SPTLC2: variants seen among roughly 807,000 people sequenced by gnomAD.
The protein encoded by SPTLC2 is serine palmitoyltransferase long chain base subunit 2.
Under a neutral mutation model 62.0 loss-of-function variants are expected in SPTLC2, and 21 were observed. That is an observed-to-expected ratio of 0.34 (90% CI 0.24 to 0.49). The LOEUF (loss-of-function observed/expected upper bound fraction) is 0.49. Ranked by LOEUF, SPTLC2 falls within the 20% of genes least tolerant of loss-of-function variation. SPTLC2 has a pLI of 0.99. For missense variants in SPTLC2, 511 were observed against 713.0 expected (o/e 0.72, Z 3.23); for synonymous variants, 261 against 261.8 (o/e 1.00, Z 0.03).
rs1055507727 is a variant in SPTLC2 at position 77,507,205 on chromosome 14, T to C, written c.*5079A>G. On this transcript the variant is annotated 3_prime_UTR_variant, in exon 12 of 12. Transcript: ENST00000216484. The stretch of plus-strand genomic sequence containing the variant: ...GAAATGACAAAAGGAACAACAGTAT[T>C]TTCTATACATTAAAAGCAAAGGGAT... 1 of 152,192 alleles carries C rather than the reference T, an allele frequency of 6.6e-6. No homozygotes were observed. The highest frequency in any genetic ancestry group is 2.4e-5 in the African/African-American group (1 of 41,426). 9.4% of individuals were successfully genotyped at this position (152,192 alleles called of 1,614,324 possible). A position where few individuals can be genotyped will look rare whatever the true frequency, so the allele number is the denominator to read the frequency against.
intron 11 of SPTLC2, among the ~76,000 whole-genome samples, chr14:77,513,826 C>T (rs1267938633): frequency 1.4e-5 from 2 of 145,316 alleles, no homozygotes; most frequent in African/African-American, 2.5e-5. Flanking sequence ...ACCCAGGGGG[C>T]GGAGGCTGCG....
chr14:77,529,118 G>A (rs566566042), intron 9 of SPTLC2, among the ~76,000 whole-genome samples: 4 of 152,234 alleles, frequency 2.6e-5, no homozygotes, highest in African/African-American at 7.2e-5. Context: ...GATTACAGGC[G>A]TGAGTCACTG....
At chr14:77,529,620 C>CTTTCTTTCTTTTTTTTTTTTTTTTT (rs1555373703) in intron 9 of SPTLC2, among the ~76,000 whole-genome samples, 4 of 76,048 alleles carry the variant, frequency 5.3e-5, no homozygotes, top group Non-Finnish European at 8.1e-5. Flanking sequence ...TTCTTTCTTT[C>CTTTCTTTCTTTTTTTTTTTTTTTTT]TTTTTTTTTT....
At chr14:77,551,813 G>GA (rs1474840636) in intron 9 of SPTLC2, among the ~76,000 whole-genome samples, 1 of 152,142 alleles carries the variant, frequency 6.6e-6, no homozygotes, top group Admixed American at 6.5e-5. Flanking sequence ...TGTAATTCAA[G>GA]AAAAACCTCG....
At chr14:77,531,546 T>A (rs1456250601) in intron 9 of SPTLC2, among the ~76,000 whole-genome samples, 1 of 147,854 alleles carries the variant, frequency 6.8e-6, no homozygotes, top group Non-Finnish European at 1.5e-5. Flanking sequence ...GGAGTTTTGC[T>A]TTTGTTGCCC....
chr14:77,548,894 A>C (rs192282767), intron 9 of SPTLC2, among the ~76,000 whole-genome samples: 1 of 152,254 alleles, frequency 6.6e-6, no homozygotes, highest in Non-Finnish European at 1.5e-5. Context: ...TCACACAAAA[A>C]GATGAAAACA....
chr14:77,564,620 G>A (rs1849451350), intron 5 of SPTLC2, among the ~76,000 whole-genome samples: 1 of 151,964 alleles, frequency 6.6e-6, no homozygotes, highest in Non-Finnish European at 1.5e-5. Context: ...TGGAGAACTG[G>A]TTAATTCCAA....
intron 9 of SPTLC2, among the ~76,000 whole-genome samples, chr14:77,545,179 TTAGAAA>T (rs2079521252): frequency 6.6e-6 from 1 of 151,988 alleles, no homozygotes; most frequent in African/African-American, 2.4e-5. Context: ...ATTTAGATAA[TTAGAAA>T]AACTATAGGT....
At chr14:77,611,923 T>TA (rs113618122) in intron 1 of SPTLC2, among the ~76,000 whole-genome samples, 4,162 of 152,240 alleles carry the variant, frequency 0.027, 181 homozygotes, top group African/African-American at 0.096. Context: ...ATTATTTTTT[T>TA]AAAAAAGGAA....
At chr14:77,558,184 A>G (rs2079595225) in intron 6 of SPTLC2, among the ~76,000 whole-genome samples, 1 of 151,946 alleles carries the variant, frequency 6.6e-6, no homozygotes, top group African/African-American at 2.4e-5. Context: ...AGTAGCTCGG[A>G]TTACCAGCAC....
chr14:77,554,265 G>A (rs1311464039), intron 8 of SPTLC2, among the ~76,000 whole-genome samples: 1 of 152,036 alleles, frequency 6.6e-6, no homozygotes, highest in Non-Finnish European at 1.5e-5. Flanking sequence ...CAGCTTCATT[G>A]TGATATAAGC....
At chr14:77,604,146 C>G (rs190092446) in intron 1 of SPTLC2, among the ~76,000 whole-genome samples, 29 of 152,334 alleles carry the variant, frequency 1.9e-4, no homozygotes, top group Admixed American at 1.8e-3. Context: ...TTTGTTGTGA[C>G]TATATTTCCT....
At position 77,512,414 on chromosome 14, in the gene SPTLC2, C is replaced by G. The variant is rs763319719; in HGVS notation, c.1570-11G>C. On this transcript the variant is annotated splice_polypyrimidine_tract_variant and intron_variant, in intron 11 of 11. Transcript: ENST00000216484. ...TATCTCCTTTAAAGCCTAAAATACACAAGACAAAGTAGAGGTCTGTCAGAG... is the reference window on the plus strand; with the variant it reads ...TATCTCCTTTAAAGCCTAAAATACAGAAGACAAAGTAGAGGTCTGTCAGAG... 1 of 1,614,094 alleles carries G rather than the reference C, an allele frequency of 6.2e-7. No homozygotes were observed. The highest frequency in any genetic ancestry group is 1.3e-5 in the African/African-American group (1 of 74,946).
rs1450347589 is a variant in SPTLC2, at chr14:77,556,987, T to G, written c.956+54A>C. The G allele has an allele frequency of 3.4e-6, 5 of 1,488,680 alleles. No individual in the cohort carries two copies. The African/African-American group carries it at 5.5e-5, about 16-fold the overall frequency. The allele number at this position is 1,488,680 out of a possible 1,614,324, so 92.2% of individuals were successfully genotyped here. A position where few individuals can be genotyped will look rare whatever the true frequency, so the allele number is the denominator to read the frequency against. On this transcript the variant is annotated intron_variant, in intron 7 of 11. Transcript: ENST00000216484. ...CTAATGTTCCCTTCAGTTAAAAAAT[T>G]CTATGACTTCATGGGGCCAAGTCAC... is the stretch of plus-strand genomic sequence containing the variant.
At chr14:77,567,007 G>A (rs555132705) in intron 5 of SPTLC2, among the ~76,000 whole-genome samples, 28 of 151,154 alleles carry the variant, frequency 1.9e-4, no homozygotes, top group African/African-American at 6.8e-4. Flanking sequence ...GTCTCGCTCT[G>A]TCCCCCAGGC....
chr14:77,595,883 C>T (rs564959351), intron 2 of SPTLC2, among the ~76,000 whole-genome samples: 61 of 152,286 alleles, frequency 4.0e-4, no homozygotes, highest in African/African-American at 1.4e-3. Context: ...AAAAGACAAC[C>T]TTTTGCCATG....
At chr14:77,596,264 G>A (rs544709339) in intron 2 of SPTLC2, among the ~76,000 whole-genome samples, 190 of 149,868 alleles carry the variant, frequency 1.3e-3, no homozygotes, top group Non-Finnish European at 2.3e-3. Flanking sequence ...GTGTGAACCC[G>A]GGAGGCGGAG....
At chr14:77,538,304 CT>C (rs1042732833) in intron 9 of SPTLC2, among the ~76,000 whole-genome samples, 1 of 152,194 alleles carries the variant, frequency 6.6e-6, no homozygotes, top group African/African-American at 2.4e-5. Flanking sequence ...AGACACCGTC[CT>C]TTTCTGAAAA....
At chr14:77,574,064 C>A (rs2079699941) in intron 4 of SPTLC2, among the ~76,000 whole-genome samples, 1 of 152,172 alleles carries the variant, frequency 6.6e-6, no homozygotes, top group Non-Finnish European at 1.5e-5. Context: ...GACAGCATGG[C>A]CCTGCTGACA....
Sources: gnomAD v4.1 joint callset for allele counts (sites outside exome capture counted in the v4.1 genomes callset) on GRCh38, gnomAD v4.1.1 for gene constraint, MANE v1.5 for transcripts, NCBI Gene and HGNC (gene_info 2026-07-23, HGNC 2026-07-21) for gene names.